Variants in PHKB observed in about 807,000 individuals in gnomAD.
PHKB encodes the protein phosphorylase kinase regulatory subunit beta.
A neutral mutation model predicts 152.1 loss-of-function variants in PHKB; 122 were observed. The observed-to-expected ratio is 0.80, with a 90% CI of 0.69 to 0.93. PHKB has a LOEUF of 0.93. Among genes scored for constraint, PHKB ranks in the 40% least tolerant of loss-of-function variants. The pLI is 0.00. For synonymous variants in PHKB, 436 were observed against 464.9 expected (o/e 0.94, Z 0.80); for missense variants, 1,304 against 1,328.4 (o/e 0.98, Z 0.29).
chr16:47,519,228 T>C (rs1970646249), intron 6 of PHKB, among the ~76,000 whole-genome samples: 1 of 152,220 alleles, frequency 6.6e-6, no homozygotes, highest in South Asian at 2.1e-4. Context: ...GCAGCTCTTT[T>C]CAAGTATGTC....
intron 1 of PHKB, among the ~76,000 whole-genome samples, chr16:47,480,537 T>C (rs1030066264): frequency 7.2e-5 from 11 of 152,222 alleles, no homozygotes; most frequent in Admixed American, 3.9e-4. Flanking sequence ...CTTTGAAAAG[T>C]AGAGGAAACA....
chr16:47,535,131 A>T (rs945802605), intron 6 of PHKB, among the ~76,000 whole-genome samples: 1 of 152,222 alleles, frequency 6.6e-6, no homozygotes, highest in Non-Finnish European at 1.5e-5. Context: ...AACCTTAAGC[A>T]TTTAGCTGTA....
intron 5 of PHKB, 72 bp from the exon 6 acceptor site, chr16:47,515,449 G>A (rs754982696): frequency 7.8e-6 from 6 of 771,996 alleles, no homozygotes; most frequent in Non-Finnish European, 1.4e-5. Flanking sequence ...TGTAATTTTA[G>A]CCTTAATTGA....
chr16:47,527,331 T>A (rs922405861), intron 6 of PHKB, among the ~76,000 whole-genome samples: 4 of 152,034 alleles, frequency 2.6e-5, no homozygotes, highest in African/African-American at 9.7e-5. Flanking sequence ...TAAAGATAAA[T>A]ATAGGAATAA....
intron 14 of PHKB, among the ~76,000 whole-genome samples, chr16:47,615,026 C>T (rs1597125536): frequency 6.6e-6 from 1 of 152,200 alleles, no homozygotes; most frequent in African/African-American, 2.4e-5. Flanking sequence ...AATTGTTTTA[C>T]TTCAGCACTA....
intron 29 of PHKB, 76 bp downstream of exon 29, chr16:47,696,564 C>T (rs1215046127): frequency 1.3e-5 from 11 of 817,130 alleles, no homozygotes; most frequent in Non-Finnish European, 2.4e-5. Flanking sequence ...AGGGAAACTG[C>T]CTATGAGACC....
At chr16:47,541,559 G>C (rs1183762376) in intron 6 of PHKB, among the ~76,000 whole-genome samples, 1 of 152,196 alleles carries the variant, frequency 6.6e-6, no homozygotes, top group Non-Finnish European at 1.5e-5. Context: ...CTAGATCCTT[G>C]AGGAATCACC....
At chr16:47,527,448 TAAGG>T (rs1346831023) in intron 6 of PHKB, among the ~76,000 whole-genome samples, 1 of 151,906 alleles carries the variant, frequency 6.6e-6, no homozygotes, top group Non-Finnish European at 1.5e-5. Context: ...ACCAAGCAGA[TAAGG>T]AAGAGTTAAA....
At chr16:47,531,671 T>G (rs1970863505) in intron 6 of PHKB, among the ~76,000 whole-genome samples, 1 of 152,194 alleles carries the variant, frequency 6.6e-6, no homozygotes, top group African/African-American at 2.4e-5. Context: ...TCTACCCACT[T>G]TTGCCATCAA....
intron 14 of PHKB, among the ~76,000 whole-genome samples, chr16:47,628,135 C>T (rs575992147): frequency 2.1e-3 from 325 of 152,254 alleles, no homozygotes; most frequent in Non-Finnish European, 3.9e-3. Flanking sequence ...TTTGTTGGCT[C>T]CTTTTTCTTT....
At chr16:47,492,138 C>A (rs902861137) in intron 1 of PHKB, among the ~76,000 whole-genome samples, 2 of 152,138 alleles carry the variant, frequency 1.3e-5, no homozygotes, top group African/African-American at 4.8e-5. Flanking sequence ...GAACTCCTGG[C>A]TGCCATTGTA....
At chr16:47,584,521 T>C (rs1019625287) in intron 8 of PHKB, among the ~76,000 whole-genome samples, 2 of 152,052 alleles carry the variant, frequency 1.3e-5, no homozygotes, top group Non-Finnish European at 2.9e-5. Flanking sequence ...GAAGCTTGGG[T>C]TGTGAGAGGG....
intron 14 of PHKB, among the ~76,000 whole-genome samples, chr16:47,629,639 A>G (rs1972785552): frequency 6.6e-6 from 1 of 151,724 alleles, no homozygotes. Context: ...ATCTAGAACT[A>G]GAAATACCAT....
intron 4 of PHKB, among the ~76,000 whole-genome samples, chr16:47,506,205 GA>G (rs1012115092): frequency 2.7e-5 from 4 of 149,400 alleles, no homozygotes; most frequent in African/African-American, 4.9e-5. Context: ...AGAAAAGAAA[GA>G]AAAAAAATAA....
At chr16:47,565,365 A>G (rs1971547412) in intron 7 of PHKB, 7 of 923,460 alleles carry the variant, frequency 7.6e-6, no homozygotes, top group East Asian at 2.4e-5. Flanking sequence ...CCTTCCTCAG[A>G]TGGTTGAGCT....
intron 1 of PHKB, among the ~76,000 whole-genome samples, chr16:47,492,148 A>G (rs1237755713): frequency 1.3e-5 from 2 of 152,206 alleles, no homozygotes; most frequent in Admixed American, 1.3e-4. Flanking sequence ...CTGCCATTGT[A>G]AAATGGTGAG....
intron 28 of PHKB, among the ~76,000 whole-genome samples, chr16:47,694,172 G>A (rs16945493): frequency 0.087 from 13,243 of 152,236 alleles, 774 homozygotes; most frequent in African/African-American, 0.16. Context: ...TGTGGTCCAA[G>A]TGAGTTAGTG....
chr16:47,581,732 T>C lies in PHKB; in HGVS notation c.774+1374T>C, dbSNP rs187889960. Among the ~76,000 whole-genome samples the C allele has an allele frequency of 6.0e-4, 92 of 152,332 alleles. 2 individuals are homozygous for C. The highest frequency in any genetic ancestry group is 5.2e-3 in the Admixed American group (79 of 15,304). On this transcript the variant is annotated intron_variant, in intron 8 of 30. Transcript: ENST00000323584. The stretch of plus-strand genomic sequence containing the variant: ...CTCGCTCTTGTCTCCCAGGCTGGAG[T>C]GCGATGGCGCGATCTCGGCTCACTG...
chr16:47,679,950 C>G (rs984694971), intron 26 of PHKB, among the ~76,000 whole-genome samples: 3 of 152,134 alleles, frequency 2.0e-5, no homozygotes, highest in African/African-American at 4.8e-5. Context: ...CTCATCAATA[C>G]CTAATTTATT....
Sources: gnomAD v4.1 joint callset for allele counts (sites outside exome capture counted in the v4.1 genomes callset) on GRCh38, gnomAD v4.1.1 for gene constraint, MANE v1.5 for transcripts, NCBI Gene and HGNC (gene_info 2026-07-23, HGNC 2026-07-21) for gene names.